URM1: variants seen among roughly 807,000 people sequenced by gnomAD.
The protein encoded by URM1 is ubiquitin related modifier 1.
Under a neutral mutation model 17.7 loss-of-function variants are expected in URM1, and 11 were observed. The observed-to-expected ratio is 0.62, with a 90% CI of 0.39 to 1.03. The LOEUF is 1.03. Ranked by LOEUF, URM1 falls within the 50% of genes least tolerant of loss-of-function variation. URM1 has a pLI of 0.00. For synonymous variants in URM1, 48 were observed against 50.6 expected, an observed-to-expected ratio of 0.95 and a Z score of 0.22; for missense variants, 128 against 129.2, an observed-to-expected ratio of 0.99 and a Z score of 0.04.
intron 2 of URM1, among the ~76,000 whole-genome samples, chr9:128,379,875 G>A (rs192194085): frequency 1.2e-4 from 19 of 152,306 alleles, no homozygotes; most frequent in African/African-American, 4.6e-4. Flanking sequence ...CACTTTGGGA[G>A]TCTGAGGTAG....
intron 2 of URM1, among the ~76,000 whole-genome samples, chr9:128,385,247 C>G (rs944664193): frequency 1.3e-5 from 2 of 152,110 alleles, no homozygotes; most frequent in Non-Finnish European, 2.9e-5. Flanking sequence ...CCCACTCATC[C>G]TTCAGACCCG....
intron 2 of URM1, among the ~76,000 whole-genome samples, chr9:128,385,092 C>T (rs1833209179): frequency 6.6e-6 from 1 of 152,140 alleles, no homozygotes; most frequent in Non-Finnish European, 1.5e-5. Flanking sequence ...AGGGAGAGGC[C>T]CCTACGGGAG....
chr9:128,379,799 C>T (rs755570284), intron 2 of URM1, among the ~76,000 whole-genome samples: 2 of 144,906 alleles, frequency 1.4e-5, no homozygotes, highest in Non-Finnish European at 3.0e-5. Context: ...GACTCCATCT[C>T]AAAAAAAAAT....
At chr9:128,379,215 C>G (rs1833123562) in intron 2 of URM1, among the ~76,000 whole-genome samples, 1 of 152,172 alleles carries the variant, frequency 6.6e-6, no homozygotes, top group African/African-American at 2.4e-5. Flanking sequence ...GACGTGGTGG[C>G]TCACACCTTT....
chr9:128,377,960 AGTTTTCTG>A, intron 1 of URM1, 68 bp from the exon 2 acceptor site: 2 of 1,510,512 alleles, frequency 1.3e-6, no homozygotes, highest in Non-Finnish European at 1.8e-6. Flanking sequence ...CCCTATCCTC[AGTTTTCTG>A]TTTCCGCTAC....
At chr9:128,383,577 C>T (rs988813078) in intron 2 of URM1, among the ~76,000 whole-genome samples, 5 of 152,112 alleles carry the variant, frequency 3.3e-5, no homozygotes, top group Admixed American at 6.5e-5. Context: ...GCATGGTCCC[C>T]GTGGACCATT....
At chr9:128,374,132 C>T (rs1833047115) in intron 1 of URM1, among the ~76,000 whole-genome samples, 1 of 152,180 alleles carries the variant, frequency 6.6e-6, no homozygotes, top group Admixed American at 6.5e-5. Context: ...TGGGCTAGAA[C>T]AGGCCCCTTG....
intron 1 of URM1, among the ~76,000 whole-genome samples, chr9:128,376,185 C>T (rs1282874943): frequency 1.3e-5 from 2 of 151,856 alleles, no homozygotes; most frequent in African/African-American, 4.8e-5. Context: ...CATAGGGAGA[C>T]CCTGTCTCTA....
chr9:128,377,829 C>T (rs1305943031), intron 1 of URM1, among the ~76,000 whole-genome samples: 1 of 152,080 alleles, frequency 6.6e-6, no homozygotes, highest in East Asian at 1.9e-4. Flanking sequence ...TGCTGCATTC[C>T]AGCATAGGCG....
At chr9:128,376,833 A>G (rs544384585) in intron 1 of URM1, among the ~76,000 whole-genome samples, 1 of 152,188 alleles carries the variant, frequency 6.6e-6, no homozygotes, top group East Asian at 1.9e-4. Flanking sequence ...CAAAAAGTAC[A>G]AAATTAGCTG....
chr9:128,371,389 G>A lies in URM1; in HGVS notation c.9G>A (p.Ala3=), dbSNP rs781714052. The change falls in exon 1 of 5, where the codon GCG becomes GCA. Residue 3 remains alanine (A), a synonymous_variant. Transcript: ENST00000372853. MA[A]PLSVEVEFGG... is the part of the protein sequence containing the mutation. ...AGCTCGGCTTCCTCAACATGGCTGC[G>A]CCCTTGTCAGTGGAGGTGGAGTTCG... 6.8e-6 allele frequency: 11 copies of A among 1,613,032 alleles called. No homozygotes were observed. The highest frequency in any genetic ancestry group is 9.3e-6 in the Non-Finnish European group (11 of 1,179,348).
intron 2 of URM1, among the ~76,000 whole-genome samples, chr9:128,380,109 C>A (rs1370504867): frequency 2.0e-5 from 3 of 150,848 alleles, no homozygotes; most frequent in Non-Finnish European, 4.4e-5. Context: ...GAGACCCTGT[C>A]TCAAAAGAAA....
At chr9:128,386,397 G>T (rs1833228073) in intron 2 of URM1, among the ~76,000 whole-genome samples, 2 of 152,224 alleles carry the variant, frequency 1.3e-5, no homozygotes, top group Non-Finnish European at 1.5e-5. Context: ...CCCATCCCAT[G>T]CCTGCTCCAG....
Position 128,389,927 on chromosome 9 carries a change from A to G in URM1, c.*193A>G. On this transcript the variant is annotated 3_prime_UTR_variant, in exon 5 of 5. Transcript: ENST00000372853. Reference sequence around the variant, plus strand: ...CTTTCTCAAGCACGTGAGCAGCGGAAGGCAGACAGGCGCCAGAGCCCAGCA... The same window carrying G: ...CTTTCTCAAGCACGTGAGCAGCGGAGGGCAGACAGGCGCCAGAGCCCAGCA... The G allele has an allele frequency of 1.4e-6, 1 of 695,186 alleles. No individual in the cohort carries two copies. 43.1% of individuals were successfully genotyped at this position (695,186 alleles called of 1,614,324 possible).
chr9:128,379,002 C>T (rs1377195537), intron 2 of URM1, among the ~76,000 whole-genome samples: 6 of 150,048 alleles, frequency 4.0e-5, no homozygotes, highest in Non-Finnish European at 8.9e-5. Context: ...GGGTAACTGT[C>T]AGGATAGCCT....
chr9:128,388,817 G>A lies in URM1; in HGVS notation c.189-444G>A, dbSNP rs1338487103. ...GCATGCAGAGGCCTAAAAAAAAGCCGAAGTTCTTTTCCAGGGCTAACGAGA... is the reference window on the plus strand; with the variant it reads ...GCATGCAGAGGCCTAAAAAAAAGCCAAAGTTCTTTTCCAGGGCTAACGAGA... On this transcript the variant is annotated intron_variant, in intron 3 of 4. Transcript: ENST00000372853. 8.1e-6 allele frequency: 8 copies of A among 991,172 alleles called. No individual in the cohort carries two copies. The South Asian group carries it at 1.4e-4, about 17-fold the overall frequency. The allele number at this position is 991,172 out of a possible 1,614,324, so 61.4% of individuals were successfully genotyped here.
In URM1 at chr9:128,387,825, G is replaced by A. The variant is rs376894347; in HGVS notation, c.116G>A (p.Arg39Gln). Residue 39 changes from arginine to glutamine, a missense_variant, in exon 3 of 5, where the codon CGG (arginine) becomes CAG (glutamine). Arg to Gln is a conservative substitution (Grantham distance 43, BLOSUM62 1). Transcript: ENST00000372853. The surrounding 1 kb of genome is among the most constrained non-coding windows in gnomAD (Gnocchi z 4.3). ...GTGCATTCCTTTCCAGGGGACATCC[G>A]GAACCTGCTCATCTGGATCAAGAAG... Reference protein sequence around the residue: ...LPGQEEPWDIRNLLIWIKKNL... With the variant: ...LPGQEEPWDIQNLLIWIKKNL... 15 of 1,613,984 alleles carry A rather than the reference G, an allele frequency of 9.3e-6. No individual in the cohort carries two copies. In the African/African-American group the frequency reaches 9.3e-5, roughly 10 times the overall value.
chr9:128,371,545 C>T lies in URM1; in HGVS notation c.35+130C>T, dbSNP rs569527490. ...CCAGTGCCCGCTGTGAGCTACGCTA[C>T]CCGCCTAGGAGAGTCTGAGAGGCCA... On this transcript the variant is annotated intron_variant, in intron 1 of 4. Transcript: ENST00000372853. 7.1e-5 allele frequency: 66 copies of T among 930,680 alleles called. No individual in the cohort carries two copies. In the East Asian group the frequency reaches 1.7e-3, roughly 24 times the overall value. The allele number at this position is 930,680 out of a possible 1,614,324, so 57.7% of individuals were successfully genotyped here.
chr9:128,384,043 G>A (rs1268363660), intron 2 of URM1, among the ~76,000 whole-genome samples: 2 of 152,122 alleles, frequency 1.3e-5, no homozygotes, highest in East Asian at 3.9e-4. Context: ...GCCTGCCTTG[G>A]GCATTGTGCC....
Sources: allele counts gnomAD v4.1 joint callset (sites outside exome capture counted in the v4.1 genomes callset), GRCh38; gene constraint gnomAD v4.1.1; non-coding constraint Gnocchi (gnomAD v3.1); transcripts MANE v1.5; gene names NCBI Gene and HGNC (gene_info 2026-07-23, HGNC 2026-07-21).